Variants in SPTLC2 observed in about 807,000 individuals in gnomAD.
SPTLC2 encodes serine palmitoyltransferase 2.
SPTLC2 carries 21 observed loss-of-function variants against 62.0 expected under a neutral mutation model. The observed-to-expected ratio is 0.34, with a 90% CI of 0.24 to 0.49. The LOEUF (loss-of-function observed/expected upper bound fraction) is 0.49. Ranked by LOEUF, SPTLC2 falls within the 20% of genes least tolerant of loss-of-function variation. SPTLC2 has a pLI of 0.99. For synonymous variants in SPTLC2, 261 were observed against 261.8 expected (o/e 1.00, Z 0.03); for missense variants, 511 against 713.0 (o/e 0.72, Z 3.23).
chr14:77,537,347 T>C (rs2079476682), intron 9 of SPTLC2, among the ~76,000 whole-genome samples: 1 of 152,166 alleles, frequency 6.6e-6, no homozygotes, highest in South Asian at 2.1e-4. Context: ...TGTCTCTACT[T>C]TGTAATTCAT....
intron 1 of SPTLC2, among the ~76,000 whole-genome samples, chr14:77,604,288 G>A (rs2079893210): frequency 6.6e-6 from 1 of 152,088 alleles, no homozygotes; most frequent in Non-Finnish European, 1.5e-5. Context: ...CTGAAGAAAG[G>A]GTTCACAAAC....
At chr14:77,515,988 C>CTGTGTGTG (rs142493170) in intron 11 of SPTLC2, among the ~76,000 whole-genome samples, 92 of 151,196 alleles carry the variant, frequency 6.1e-4, no homozygotes, top group East Asian at 1.9e-3. Flanking sequence ...TGAGCTCTAG[C>CTGTGTGTG]TGTGTGTGTG....
chr14:77,575,174 T>G (rs1326470904), intron 4 of SPTLC2, among the ~76,000 whole-genome samples: 1 of 152,190 alleles, frequency 6.6e-6, no homozygotes, highest in African/African-American at 2.4e-5. Flanking sequence ...GTGAGCTGAC[T>G]GCACCACCGC....
rs1041898408 is a variant in SPTLC2 at position 77,508,027 on chromosome 14, T to C, written c.*4257A>G. On this transcript the variant is annotated 3_prime_UTR_variant, in exon 12 of 12. Transcript: ENST00000216484. ...TGCATCCGCACCCAGCTCCTAACAA[T>C]TTTTTTTCCCCCTCTTATTGAGCCA... 2.0e-5 allele frequency: 3 copies of C among 152,040 alleles called. No individual in the cohort carries two copies. Among genetic ancestry groups the C allele is most frequent in the African/African-American group, 7.3e-5 (3 of 41,348 alleles). The allele number at this position is 152,040 out of a possible 1,614,324, so 9.4% of individuals were successfully genotyped here.
intron 9 of SPTLC2, among the ~76,000 whole-genome samples, chr14:77,540,178 T>A (rs944046515): frequency 8.3e-5 from 10 of 120,924 alleles, no homozygotes; most frequent in African/African-American, 1.3e-4. Flanking sequence ...CCTGCCAGCA[T>A]GGGCAACAAG....
At chr14:77,604,978 C>T (rs2079897681) in intron 1 of SPTLC2, among the ~76,000 whole-genome samples, 1 of 151,634 alleles carries the variant, frequency 6.6e-6, no homozygotes, top group Admixed American at 6.6e-5. Context: ...GAATGGCTGG[C>T]CACTTTGACT....
chr14:77,589,746 C>A (rs965121546), intron 2 of SPTLC2, among the ~76,000 whole-genome samples: 2 of 151,714 alleles, frequency 1.3e-5, no homozygotes, highest in African/African-American at 2.4e-5. Context: ...GCCAAGATTG[C>A]GCCATTGCAC....
At chr14:77,540,138 G>A (rs111947468) in intron 9 of SPTLC2, among the ~76,000 whole-genome samples, 5,966 of 150,916 alleles carry the variant, frequency 0.04, 132 homozygotes, top group Middle Eastern at 0.098. Flanking sequence ...GGAGGTTGCG[G>A]TAAGCAGAGG....
chr14:77,519,452 C>T (rs1026878035), intron 10 of SPTLC2, among the ~76,000 whole-genome samples: 7 of 151,926 alleles, frequency 4.6e-5, no homozygotes, highest in South Asian at 2.1e-4. Context: ...GCCAGTGGCT[C>T]GTGCCTGTAA....
intron 9 of SPTLC2, among the ~76,000 whole-genome samples, chr14:77,526,116 C>T (rs113707621): frequency 2.0e-5 from 3 of 152,130 alleles, no homozygotes; most frequent in South Asian, 2.1e-4. Flanking sequence ...GGCATTTACA[C>T]GTTAGAAAAT....
intron 3 of SPTLC2, among the ~76,000 whole-genome samples, chr14:77,577,923 T>TC (rs755049586): frequency 2.0e-5 from 3 of 151,290 alleles, no homozygotes; most frequent in Non-Finnish European, 4.4e-5. Context: ...GGTGGGCAGA[T>TC]CACTTGAGGC....
At position 77,534,216 on chromosome 14, in the gene SPTLC2, A is replaced by ACACACACACACG. The variant is rs1208421770; in HGVS notation, c.1304-12636_1304-12635insCGTGTGTGTGTG. The stretch of plus-strand genomic sequence containing the variant: ...CACACACACACACACACACACACAC[A>ACACACACACACG]CACAAATGCATATCTATAAAAAGTC... On this transcript the variant is annotated intron_variant, in intron 9 of 11. Coordinates refer to ENST00000216484, the MANE Select transcript of SPTLC2 (RefSeq NM_004863.4). Among the ~76,000 whole-genome samples the ACACACACACACG allele has an allele frequency of 6.5e-3, 957 of 146,584 alleles. 17 individuals carry two copies. The highest frequency in any genetic ancestry group is 7.5e-3 in the Non-Finnish European group (496 of 66,444).
intron 1 of SPTLC2, among the ~76,000 whole-genome samples, chr14:77,611,544 G>C (rs968518720): frequency 2.0e-5 from 3 of 151,854 alleles, no homozygotes; most frequent in Non-Finnish European, 4.4e-5. Flanking sequence ...ACAAACCTCC[G>C]GCTAGGCGTG....
rs571780683 is a variant in SPTLC2, at chr14:77,564,077, C to A, written c.757-1588G>T. 2.6e-5 allele frequency among the ~76,000 whole-genome samples: 4 copies of A among 151,752 alleles called. No individual in the cohort carries two copies. The South Asian group carries it at 8.3e-4, about 32-fold the overall frequency. On this transcript the variant is annotated intron_variant, in intron 5 of 11. Transcript: ENST00000216484. ...GACCAGCCTGGCCAACATGGCAAAA[C>A]CCCATCTCTACTAAAAAGAAAACAC...
At chr14:77,602,611 G>C (rs939323686) in intron 1 of SPTLC2, among the ~76,000 whole-genome samples, 1 of 150,588 alleles carries the variant, frequency 6.6e-6, no homozygotes, top group African/African-American at 2.4e-5. Context: ...GTGCAGTGGT[G>C]TGATCATGGC....
rs980634536 is a variant in SPTLC2 at position 77,552,233 on chromosome 14, C to G, written c.1177-11G>C. 8.1e-6 allele frequency: 13 copies of G among 1,613,914 alleles called. No individual in the cohort carries two copies. Among genetic ancestry groups the G allele is most frequent in the Non-Finnish European group, 1.1e-5 (13 of 1,179,936 alleles). ...GTAGTCTATCAGCTCCTGGGGAGTT[C>G]ACAGAGGCAGATAAGTAGAGACAAT... is the stretch of plus-strand genomic sequence containing the variant. On this transcript the variant is annotated splice_polypyrimidine_tract_variant and intron_variant, in intron 8 of 11. Transcript: ENST00000216484.
intron 9 of SPTLC2, among the ~76,000 whole-genome samples, chr14:77,540,205 C>CAAAAAAAAAAAAAAAAAAA: frequency 1.1e-5 from 1 of 87,716 alleles, no homozygotes; most frequent in Non-Finnish European, 2.3e-5. Context: ...ACTCTTGTCT[C>CAAAAAAAAAAAAAAAAAAA]AAAAAAAAAA....
rs1252648263 is a variant in SPTLC2, at chr14:77,506,732, T to C, written c.*5552A>G. On this transcript the variant is annotated 3_prime_UTR_variant, in exon 12 of 12. Transcript: ENST00000216484. ...GCGTTGGAAAAAGCAGACTCTGAGT[T>C]GGCTTGAGTCTCCTCGTGCATAGAA... is the stretch of plus-strand genomic sequence containing the variant. The C allele has an allele frequency of 6.6e-6, 1 of 152,046 alleles. No homozygotes were observed. The highest frequency in any genetic ancestry group is 6.6e-5 in the Admixed American group (1 of 15,266). The allele number at this position is 152,046 out of a possible 1,614,324, so 9.4% of individuals were successfully genotyped here.
chr14:77,576,989 T>G, intron 3 of SPTLC2, 74 bp from the exon 4 acceptor site: 5 of 1,550,942 alleles, frequency 3.2e-6, no homozygotes, highest in Non-Finnish European at 4.4e-6. Context: ...AATGAACTGG[T>G]GACACAAAAG....
Sources: allele counts gnomAD v4.1 joint callset (sites outside exome capture counted in the v4.1 genomes callset), GRCh38; gene constraint gnomAD v4.1.1; transcripts MANE v1.5; gene names NCBI Gene and HGNC (gene_info 2026-07-23, HGNC 2026-07-21).